CLASP2: variants seen among roughly 807,000 people sequenced by gnomAD.
The protein encoded by CLASP2 is CLIP-associating protein 2.
CLASP2 carries 47 observed loss-of-function variants against 194.4 expected under a neutral mutation model. That is an observed-to-expected ratio of 0.24 (90% CI 0.19 to 0.31). The LOEUF (loss-of-function observed/expected upper bound fraction) is 0.31, where lower values mean the gene tolerates loss of function less well. Among genes scored for constraint, CLASP2 ranks in the 10% least tolerant of loss-of-function variants. The probability of loss-of-function intolerance (pLI) is 1.00; values close to 1 mark genes in which losing one functional copy is unlikely to be tolerated. For missense variants in CLASP2, 1,445 were observed against 1,823.6 expected, an observed-to-expected ratio of 0.79 and a Z score of 3.78; for synonymous variants, 619 against 633.5, an observed-to-expected ratio of 0.98 and a Z score of 0.34.
At position 33,611,953 on chromosome 3, in the gene CLASP2, A is replaced by G. The variant is rs370191744; in HGVS notation, c.1388+48T>C. ...CAGCAGACAAATAATTAAACAATGCAGTATCAGAGCTATACTAACAACAAC... is the reference window on the plus strand; with the variant it reads ...CAGCAGACAAATAATTAAACAATGCGGTATCAGAGCTATACTAACAACAAC... On this transcript the variant is annotated intron_variant, in intron 13 of 38. Coordinates refer to ENST00000682230, the MANE Select transcript of CLASP2 (RefSeq NM_001365631.1). 7.3e-5 allele frequency: 87 copies of G among 1,198,978 alleles called. No individual in the cohort carries two copies. In the East Asian group the frequency reaches 1.6e-3, roughly 22 times the overall value. 74.3% of individuals were successfully genotyped at this position (1,198,978 alleles called of 1,614,324 possible). A position where few individuals can be genotyped will look rare whatever the true frequency, so the allele number is the denominator to read the frequency against.
chr3:33,592,521 T>C (rs892800421), intron 20 of CLASP2, 25 bp from the exon 21 acceptor site: 2 of 1,533,432 alleles, frequency 1.3e-6, no homozygotes, highest in Middle Eastern at 1.7e-4. Context: ...ATTTACATAA[T>C]TAAAAACATT....
chr3:33,620,171 C>T (rs1490001553), intron 11 of CLASP2, among the ~76,000 whole-genome samples: 1 of 151,848 alleles, frequency 6.6e-6, no homozygotes, highest in African/African-American at 2.4e-5. Context: ...ATCAATGCTC[C>T]TCAAGATATT....
rs1486018499 is a variant in CLASP2, at chr3:33,619,654, A to G, written c.1266T>C (p.Ser422=). Residue 422 remains serine (S), a synonymous_variant, in exon 12 of 39, where the codon AGT becomes AGC. Coordinates refer to ENST00000682230, the MANE Select transcript of CLASP2 (RefSeq NM_001365631.1). ...VPTLFNLVPN[S]AKVMATSGCA... ...ATCCAGAAGTTGCCATGACTTTTGC[A>G]CTATTGGGGACGAGATTAAAAAGTG... 9 of 1,556,776 alleles carry G rather than the reference A, an allele frequency of 5.8e-6. No homozygotes were observed. The highest frequency in any genetic ancestry group is 7.8e-6 in the Non-Finnish European group (9 of 1,149,814).
Position 33,644,585 on chromosome 3 carries a change from A to T in CLASP2, c.862+172T>A, listed in dbSNP as rs1340301657. The T allele has an allele frequency of 5.7e-6, 4 of 706,912 alleles. No homozygotes were observed. The African/African-American group carries it at 7.1e-5, about 13-fold the overall frequency. The allele number at this position is 706,912 out of a possible 1,614,324, so 43.8% of individuals were successfully genotyped here. Reference sequence around the variant, plus strand: ...TTCTTAGAGGAAATAGCAGTATACAATATTTTATACATTTCAAAAGGGCAT... The same window carrying T: ...TTCTTAGAGGAAATAGCAGTATACATTATTTTATACATTTCAAAAGGGCAT... On this transcript the variant is annotated intron_variant, in intron 8 of 38. Transcript: ENST00000682230.
At chr3:33,553,360 A>C (rs1010294176) in intron 29 of CLASP2, among the ~76,000 whole-genome samples, 3 of 152,226 alleles carry the variant, frequency 2.0e-5, no homozygotes, top group African/African-American at 7.2e-5. Context: ...GAGTACATCA[A>C]ACTAAAAAGC....
intron 16 of CLASP2, among the ~76,000 whole-genome samples, chr3:33,604,817 A>G (rs2073362560): frequency 6.6e-6 from 1 of 152,178 alleles, no homozygotes; most frequent in Non-Finnish European, 1.5e-5. Context: ...GTGACCACCA[A>G]AGAGAACTCG....
At chr3:33,544,871 TATATTTTTGTTACTCAAAC>T in intron 30 of CLASP2, 30 bp from the exon 31 acceptor site, 1 of 1,537,732 alleles carries the variant, frequency 6.5e-7, no homozygotes, top group Non-Finnish European at 8.8e-7. Flanking sequence ...AGTAGATGAA[TATATTTTTGTTACTCAAAC>T]AAGACCGTTT....
chr3:33,530,080 C>T (rs895408519), intron 34 of CLASP2, among the ~76,000 whole-genome samples: 10 of 148,660 alleles, frequency 6.7e-5, no homozygotes, highest in African/African-American at 2.5e-4. Context: ...TTGTGGAATA[C>T]CTCCTGAAGG....
In CLASP2 at chr3:33,718,216, T is replaced by C; in HGVS notation, c.-214A>G. 1 of 290,672 alleles carries C rather than the reference T, an allele frequency of 3.4e-6. No individual in the cohort carries two copies. Among genetic ancestry groups the C allele is most frequent in the Non-Finnish European group, 6.3e-6 (1 of 157,888 alleles). 18.0% of individuals were successfully genotyped at this position (290,672 alleles called of 1,614,324 possible). On this transcript the variant is annotated 5_prime_UTR_variant, in exon 1 of 39. Coordinates refer to ENST00000682230, the MANE Select transcript of CLASP2 (RefSeq NM_001365631.1). Reference sequence around the variant, plus strand: ...CGGCGCCCCCCGATCCCCAGCCCGCTTCAGAGGCCGCGGCCGCGGGCGACG... The same window carrying C: ...CGGCGCCCCCCGATCCCCAGCCCGCCTCAGAGGCCGCGGCCGCGGGCGACG...
At chr3:33,575,751 T>C (rs190970820) in intron 24 of CLASP2, among the ~76,000 whole-genome samples, 2 of 152,118 alleles carry the variant, frequency 1.3e-5, no homozygotes, top group African/African-American at 4.8e-5. Flanking sequence ...CTTGAGGTTG[T>C]ACTTTCTTTT....
At chr3:33,602,234 G>A (rs548248812) in intron 18 of CLASP2, among the ~76,000 whole-genome samples, 26 of 152,128 alleles carry the variant, frequency 1.7e-4, no homozygotes, top group African/African-American at 5.5e-4. Flanking sequence ...GGCTGGTCAC[G>A]AACTCCTGAC....
chr3:33,648,684 G>T (rs1244939584), intron 7 of CLASP2, among the ~76,000 whole-genome samples: 2 of 151,978 alleles, frequency 1.3e-5, no homozygotes, highest in Non-Finnish European at 2.9e-5. Context: ...TAAATATTCT[G>T]GGCTTGAATT....
At chr3:33,522,189 C>T (rs2053312756) in intron 34 of CLASP2, among the ~76,000 whole-genome samples, 3 of 152,118 alleles carry the variant, frequency 2.0e-5, no homozygotes, top group Admixed American at 6.6e-5. Context: ...AGGTCCTGCC[C>T]CTCCTTTTTC....
intron 29 of CLASP2, chr3:33,558,442 T>C (rs559451102): frequency 2.0e-5 from 3 of 151,970 alleles, no homozygotes; most frequent in African/African-American, 4.8e-5. Flanking sequence ...AGCAGAAAAA[T>C]ATAGGACTCG....
intron 6 of CLASP2, among the ~76,000 whole-genome samples, chr3:33,677,315 CA>C (rs1170500788): frequency 6.6e-6 from 1 of 150,802 alleles, no homozygotes; most frequent in African/African-American, 2.4e-5. Context: ...AAATGTCCAA[CA>C]ATGATAGACT....
chr3:33,573,469 T>TCCTA, intron 24 of CLASP2, 115 bp from the exon 25 acceptor site: 1 of 1,026,400 alleles, frequency 9.7e-7, no homozygotes, highest in Non-Finnish European at 1.5e-6. Flanking sequence ...CAAAGCATGC[T>TCCTA]CCTAATCATT....
At chr3:33,585,054 T>C (rs1314411912) in intron 21 of CLASP2, 134 bp from the exon 22 acceptor site, 4 of 651,286 alleles carry the variant, frequency 6.1e-6, no homozygotes, top group Non-Finnish European at 9.7e-6. Context: ...TCAAAGGAAA[T>C]AGACCGAGGA....
intron 12 of CLASP2, among the ~76,000 whole-genome samples, chr3:33,615,248 T>A (rs1037102336): frequency 6.6e-6 from 1 of 151,848 alleles, no homozygotes; most frequent in East Asian, 1.9e-4. Context: ...AATGAAAATA[T>A]CTTTGTTAAA....
chr3:33,699,788 A>G (rs186319342), intron 1 of CLASP2, among the ~76,000 whole-genome samples: 7 of 151,730 alleles, frequency 4.6e-5, no homozygotes, highest in African/African-American at 1.7e-4. Flanking sequence ...CTTAAAATTT[A>G]TATTGTACTT....
Sources: allele counts gnomAD v4.1 joint callset (sites outside exome capture counted in the v4.1 genomes callset), GRCh38; gene constraint gnomAD v4.1.1; transcripts MANE v1.5; gene names NCBI Gene and HGNC (gene_info 2026-07-23, HGNC 2026-07-21).